Variants in PKIB observed in about 807,000 individuals in gnomAD.
PKIB encodes PKI-beta.
A neutral mutation model predicts 4.5 loss-of-function variants in PKIB; 2 were observed. The ratio of observed to expected loss-of-function variants is 0.44; its 90% confidence interval spans 0.18 to 1.39. The LOEUF (loss-of-function observed/expected upper bound fraction) is 1.39. Ranked by LOEUF, PKIB falls within the 40% of genes most tolerant of loss-of-function variation. PKIB has a pLI of 0.27. For missense variants in PKIB, 94 were observed against 92.6 expected (o/e 1.02, Z -0.06); for synonymous variants, 38 against 36.0 (o/e 1.06, Z -0.20).
At chr6:122,496,455 A>G (rs572311062) in intron 2 of PKIB, among the ~76,000 whole-genome samples, 1 of 152,366 alleles carries the variant, frequency 6.6e-6, no homozygotes, top group South Asian at 2.1e-4. Flanking sequence ...ATGAAATCCA[A>G]CACAAGATTT....
At chr6:122,534,103 A>G (rs1777336205) in intron 2 of PKIB, among the ~76,000 whole-genome samples, 1 of 149,880 alleles carries the variant, frequency 6.7e-6, no homozygotes. Context: ...AATAATATTA[A>G]CTAATGAACT....
At chr6:122,515,102 AAG>A (rs1776707591) in intron 2 of PKIB, among the ~76,000 whole-genome samples, 1 of 152,222 alleles carries the variant, frequency 6.6e-6, no homozygotes, top group Non-Finnish European at 1.5e-5. Context: ...TGGGGGAAGA[AAG>A]AGTAACGCAC....
chr6:122,526,130 A>T (rs145016244), intron 2 of PKIB, among the ~76,000 whole-genome samples: 3 of 152,168 alleles, frequency 2.0e-5, no homozygotes, highest in Admixed American at 6.5e-5. Flanking sequence ...AATTTTAGCA[A>T]TTCTGCCACC....
intron 2 of PKIB, among the ~76,000 whole-genome samples, chr6:122,673,111 A>G (rs911105446): frequency 6.6e-6 from 1 of 151,994 alleles, no homozygotes; most frequent in Non-Finnish European, 1.5e-5. Flanking sequence ...AAACATAACT[A>G]TTTCACTCAT....
chr6:122,587,523 A>G lies in PKIB; in HGVS notation c.-161+1516A>G, dbSNP rs535290993. Among the ~76,000 whole-genome samples the G allele has an allele frequency of 5.1e-3, 776 of 152,234 alleles. 7 individuals carry two copies. Among genetic ancestry groups the G allele is most frequent in the African/African-American group, 0.018 (727 of 41,534 alleles). ...TGTCTTTATAGCAGCATGATTTATA[A>G]TCCTTTGGGTATATACCCAGTAATG... On this transcript the variant is annotated intron_variant, in intron 3 of 6. Transcript: ENST00000392491.
intron 2 of PKIB, among the ~76,000 whole-genome samples, chr6:122,498,893 C>A (rs1035983532): frequency 6.6e-6 from 1 of 152,146 alleles, no homozygotes; most frequent in African/African-American, 2.4e-5. Context: ...TAGAACTGAT[C>A]TTATGGAAAT....
chr6:122,708,420 A>G (rs1779143890), intron 3 of PKIB, among the ~76,000 whole-genome samples: 1 of 152,132 alleles, frequency 6.6e-6, no homozygotes, highest in South Asian at 2.1e-4. Context: ...ACACTGAAAC[A>G]TGGTTTGTTT....
intron 2 of PKIB, among the ~76,000 whole-genome samples, chr6:122,542,317 T>C (rs1395475334): frequency 1.3e-5 from 2 of 152,072 alleles, no homozygotes; most frequent in East Asian, 1.9e-4. Context: ...TGTGGTTTTA[T>C]CTACTTTTGG....
chr6:122,618,534 G>A (rs1457296597), intron 1 of PKIB, among the ~76,000 whole-genome samples: 1 of 151,868 alleles, frequency 6.6e-6, no homozygotes, highest in Non-Finnish European at 1.5e-5. Context: ...AGAAAAAAAA[G>A]GTCTATTTAT....
chr6:122,686,144 AT>A, intron 3 of PKIB, among the ~76,000 whole-genome samples: 1 of 152,152 alleles, frequency 6.6e-6, no homozygotes, highest in African/African-American at 2.4e-5. Context: ...TGATATATTG[AT>A]TTCCTTTCTT....
At chr6:122,672,689 T>C (rs1467717849) in intron 2 of PKIB, among the ~76,000 whole-genome samples, 1 of 151,876 alleles carries the variant, frequency 6.6e-6, no homozygotes, top group Non-Finnish European at 1.5e-5. Flanking sequence ...CTATTTATAT[T>C]TTATTTTTAA....
intron 2 of PKIB, among the ~76,000 whole-genome samples, chr6:122,654,621 C>A (rs942382282): frequency 5.3e-5 from 8 of 152,160 alleles, no homozygotes; most frequent in African/African-American, 1.9e-4. Context: ...TATGCGATTG[C>A]AGATTTTAAG....
intron 2 of PKIB, among the ~76,000 whole-genome samples, chr6:122,499,091 G>A (rs768227779): frequency 2.6e-5 from 4 of 151,982 alleles, no homozygotes; most frequent in Admixed American, 6.6e-5. Context: ...CAACCAAAAA[G>A]AACCCTGGAT....
rs540534253 is a variant in PKIB at position 122,530,040 on chromosome 6, C to T, written c.-248+52101C>T. Among the ~76,000 whole-genome samples, 22 of 152,000 alleles carry T rather than the reference C, an allele frequency of 1.4e-4. No individual in the cohort carries two copies. In the East Asian group the frequency reaches 3.9e-3, roughly 27 times the overall value. On this transcript the variant is annotated intron_variant, in intron 2 of 6. Transcript: ENST00000392491. ...TAAGCTCTCTCCCCCTTCTTTCTCTCCTCTCCTCCTAGTATTCTCATATGT... is the reference window on the plus strand; with the variant it reads ...TAAGCTCTCTCCCCCTTCTTTCTCTTCTCTCCTCCTAGTATTCTCATATGT...
chr6:122,551,311 T>A (rs1476370201), intron 2 of PKIB, among the ~76,000 whole-genome samples: 1 of 152,166 alleles, frequency 6.6e-6, no homozygotes, highest in Non-Finnish European at 1.5e-5. Context: ...ATTTCCTTTC[T>A]CTTTGTCTTT....
At chr6:122,722,241 CTTTT>C (rs1779774139) in intron 4 of PKIB, among the ~76,000 whole-genome samples, 1 of 152,054 alleles carries the variant, frequency 6.6e-6, no homozygotes, top group Non-Finnish European at 1.5e-5. Context: ...ATTATTGTTT[CTTTT>C]TATCTGCAAT....
At chr6:122,512,602 C>A (rs1387234934) in intron 2 of PKIB, among the ~76,000 whole-genome samples, 9 of 152,134 alleles carry the variant, frequency 5.9e-5, no homozygotes, top group Admixed American at 5.2e-4. Flanking sequence ...AGCTGTGTAC[C>A]AGCTGCTCCT....
intron 2 of PKIB, among the ~76,000 whole-genome samples, chr6:122,661,797 ATT>A (rs1777002032): frequency 6.6e-6 from 1 of 152,134 alleles, no homozygotes; most frequent in African/African-American, 2.4e-5. Flanking sequence ...AGACTGCACC[ATT>A]TTACATTTCA....
chr6:122,644,485 A>G (rs1447085490), intron 2 of PKIB: 1 of 152,206 alleles, frequency 6.6e-6, no homozygotes, highest in Non-Finnish European at 1.5e-5. Flanking sequence ...GCTGTGTGAC[A>G]GCTAGTAAAT....
Sources: allele counts gnomAD v4.1 joint callset (sites outside exome capture counted in the v4.1 genomes callset), GRCh38; gene constraint gnomAD v4.1.1; transcripts MANE v1.5; gene names NCBI Gene and HGNC (gene_info 2026-07-23, HGNC 2026-07-21).